MDM1: variants seen among roughly 807,000 people sequenced by gnomAD.
The protein encoded by MDM1 is stabilizer of axonemal microtubules 6.
A neutral mutation model predicts 89.1 loss-of-function variants in MDM1; 61 were observed. The ratio of observed to expected loss-of-function variants is 0.68; its 90% CI spans 0.56 to 0.85. The LOEUF is 0.85. Among genes scored for constraint, MDM1 ranks in the 40% least tolerant of loss-of-function variants. The probability of loss-of-function intolerance (pLI) is 0.00; values close to 1 mark genes in which losing one functional copy is unlikely to be tolerated. For synonymous variants in MDM1, 290 were observed against 294.1 expected (o/e 0.99, Z 0.14); for missense variants, 820 against 846.5 (o/e 0.97, Z 0.39).
At position 68,302,881 on chromosome 12, in the gene MDM1, CAAAAAAAA is replaced by C; in HGVS notation, c.1750-17_1750-10del. 1.3e-5 allele frequency: 14 copies of C among 1,103,170 alleles called. No individual in the cohort carries two copies. Among genetic ancestry groups the C allele is most frequent in the Middle Eastern group, 3.1e-4 (1 of 3,192 alleles). 68.3% of individuals were successfully genotyped at this position (1,103,170 alleles called of 1,614,324 possible). On this transcript the variant is annotated splice_polypyrimidine_tract_variant and intron_variant, in intron 12 of 14. Coordinates refer to ENST00000682720, the MANE Select transcript of MDM1 (RefSeq NM_001354969.2). ...ACAGCACGACTTTCTTTCTAAATGA[CAAAAAAAA>C]AAAAAAAAAAAAGATGCCTATGTGT...
At chr12:68,323,425 T>G (rs1276848233) in intron 4 of MDM1, 185 bp from the exon 5 acceptor site, 2 of 475,608 alleles carry the variant, frequency 4.2e-6, no homozygotes, top group Non-Finnish European at 7.3e-6. Context: ...CTCATTACTA[T>G]GTTTTGAATA....
intron 12 of MDM1, among the ~76,000 whole-genome samples, chr12:68,312,724 T>C (rs1873860989): frequency 1.3e-5 from 2 of 152,146 alleles, no homozygotes; most frequent in South Asian, 2.1e-4. Context: ...CCCTACACAA[T>C]TTAGCACCCC....
In MDM1 at chr12:68,323,124, T is replaced by G; in HGVS notation, c.750A>C (p.Arg250Ser). The stretch of plus-strand genomic sequence containing the variant: ...GATTTCTGTTTTCTCTCAAATCATT[T>G]CTTAATTTTGGTTCTTTCACTGGAG... ...GLSPVKEPKL[R>S]NDLRENRNLE... The change falls in exon 5 of 15, where the codon AGA becomes AGC. Residue 250 changes from arginine to serine, a missense_variant. Transcript: ENST00000682720. 6.2e-7 allele frequency: 1 copy of G among 1,609,942 alleles called. No homozygotes were observed. The highest frequency in any genetic ancestry group is 1.1e-5 in the South Asian group (1 of 89,848).
chr12:68,313,908 G>A (rs185730010), intron 10 of MDM1, among the ~76,000 whole-genome samples, 155 bp from the exon 11 acceptor site: 243 of 152,294 alleles, frequency 1.6e-3, no homozygotes, highest in Middle Eastern at 6.8e-3. Context: ...TTGGGAGGCC[G>A]AGGCGGGCGG....
At chr12:68,314,084 C>T (rs2120968439) in intron 10 of MDM1, among the ~76,000 whole-genome samples, 1 of 148,122 alleles carries the variant, frequency 6.8e-6, no homozygotes, top group African/African-American at 2.5e-5. Flanking sequence ...TTGCAGTGAG[C>T]CGATATCGTG....
At chr12:68,308,967 C>T (rs551781519) in intron 12 of MDM1, among the ~76,000 whole-genome samples, 2 of 152,296 alleles carry the variant, frequency 1.3e-5, no homozygotes, top group Admixed American at 1.3e-4. Context: ...TATTCCTACC[C>T]TCCTTCATCC....
chr12:68,322,583 G>A (rs988602106), intron 5 of MDM1, among the ~76,000 whole-genome samples: 1 of 152,120 alleles, frequency 6.6e-6, no homozygotes, highest in East Asian at 1.9e-4. Flanking sequence ...GCAGTGAGCC[G>A]AGATCGTGCC....
At chr12:68,314,537 G>C (rs535725919) in intron 10 of MDM1, among the ~76,000 whole-genome samples, 15 of 152,200 alleles carry the variant, frequency 9.9e-5, no homozygotes, top group Non-Finnish European at 2.1e-4. Flanking sequence ...AAAACAACAG[G>C]AATTAGCTAT....
At chr12:68,323,303 ATTAC>A (rs1299964952) in intron 4 of MDM1, 63 bp from the exon 5 acceptor site, 3 of 1,189,016 alleles carry the variant, frequency 2.5e-6, no homozygotes, top group Admixed American at 2.7e-5. Flanking sequence ...TTGGTCTTCA[ATTAC>A]TTAACAAAAC....
intron 8 of MDM1, 54 bp from the exon 9 acceptor site, chr12:68,316,307 A>C: frequency 1.3e-6 from 2 of 1,506,728 alleles, no homozygotes; most frequent in Non-Finnish European, 1.8e-6. Flanking sequence ...CTTTACAAAC[A>C]GCACCAAGTA....
In MDM1 at chr12:68,323,156, C is replaced by G. The variant is rs769547099; in HGVS notation, c.718G>C (p.Gly240Arg). The G allele has an allele frequency of 1.2e-6, 2 of 1,609,650 alleles. No homozygotes were observed. Among genetic ancestry groups the G allele is most frequent in the Admixed American group, 3.4e-5 (2 of 59,132 alleles). ...TTTGGTTCTTTCACTGGAGATAAAC[C>G]CTTGAAATTTCTTTTGTATTCAGTT... ...HETEYKRNFK[G>R]LSPVKEPKLR... The change falls in exon 5 of 15, where the codon GGT becomes CGT. Residue 240 changes from glycine (G) to arginine (R), a missense_variant. Gly to Arg is a moderately radical substitution (Grantham distance 125, BLOSUM62 -2). Transcript: ENST00000682720.
At chr12:68,314,467 A>G (rs939679436) in intron 10 of MDM1, among the ~76,000 whole-genome samples, 1 of 152,250 alleles carries the variant, frequency 6.6e-6, no homozygotes, top group African/African-American at 2.4e-5. Flanking sequence ...TTTAGATTAT[A>G]GACAAAAGGC....
At chr12:68,295,485 C>T in intron 14 of MDM1, 119 bp from the exon 15 acceptor site, 1 of 633,002 alleles carries the variant, frequency 1.6e-6, no homozygotes, top group South Asian at 2.0e-5. Flanking sequence ...TCAAGTTAGT[C>T]AGGAAAAAAA....
At chr12:68,299,297 C>A (rs1871833767) in intron 13 of MDM1, among the ~76,000 whole-genome samples, 1 of 151,998 alleles carries the variant, frequency 6.6e-6, no homozygotes, top group African/African-American at 2.4e-5. Context: ...AAGATGAAAT[C>A]TTTGAAATAC....
intron 12 of MDM1, among the ~76,000 whole-genome samples, chr12:68,309,933 C>T (rs148112628): frequency 7.0e-4 from 107 of 152,274 alleles, no homozygotes; most frequent in Middle Eastern, 3.4e-3. Flanking sequence ...GATATCCAAT[C>T]AAGTTGTCAA....
chr12:68,320,640 CAG>C (rs761422702), intron 7 of MDM1, among the ~76,000 whole-genome samples: 6 of 152,126 alleles, frequency 3.9e-5, no homozygotes, highest in Non-Finnish European at 8.8e-5. Context: ...TTTACAATGA[CAG>C]GGGGAAGTGG....
At chr12:68,296,301 C>A (rs545327351) in intron 14 of MDM1, among the ~76,000 whole-genome samples, 3 of 152,194 alleles carry the variant, frequency 2.0e-5, no homozygotes, top group Non-Finnish European at 2.9e-5. Flanking sequence ...AGTTTGAGAC[C>A]ATCCTGGCCA....
intron 2 of MDM1, among the ~76,000 whole-genome samples, chr12:68,328,107 G>A (rs897292907): frequency 7.9e-5 from 12 of 152,246 alleles, no homozygotes; most frequent in Middle Eastern, 3.4e-3. Flanking sequence ...CAGTGCGTCC[G>A]CCCAAGGTAG....
Position 68,307,704 on chromosome 12 carries a change from G to A in MDM1, c.1750-4832C>T, listed in dbSNP as rs563903836. 1.2e-4 allele frequency among the ~76,000 whole-genome samples: 18 copies of A among 152,136 alleles called. No individual in the cohort carries two copies. The East Asian group carries it at 2.7e-3, about 23-fold the overall frequency. On this transcript the variant is annotated intron_variant, in intron 12 of 14. Transcript: ENST00000682720. ...TGTAATCCCAGCACTTTGGGAGGCC[G>A]ATGCAGGTGGATCACTTGAGGCCAG...
Sources: gnomAD v4.1 joint callset for allele counts (sites outside exome capture counted in the v4.1 genomes callset) on GRCh38, gnomAD v4.1.1 for gene constraint, MANE v1.5 for transcripts, NCBI Gene and HGNC (gene_info 2026-07-23, HGNC 2026-07-21) for gene names.